TARS3: variants seen among roughly 807,000 people sequenced by gnomAD.
TARS3 encodes the protein threonine--tRNA ligase 2, cytoplasmic.
In TARS3, 94 loss-of-function variants were observed where a neutral mutation model predicts 103.5. The ratio of observed to expected loss-of-function variants is 0.91; its 90% CI spans 0.77 to 1.08. TARS3 has a LOEUF of 1.08. Among genes scored for constraint, TARS3 ranks in the 50% least tolerant of loss-of-function variants. TARS3 has a pLI of 0.00. For missense variants in TARS3, 952 were observed against 995.2 expected (o/e 0.96, Z 0.58); for synonymous variants, 416 against 355.4 (o/e 1.17, Z -1.92).
Position 101,677,501 on chromosome 15 carries a change from C to CTT in TARS3, c.1651-1766_1651-1765dup, listed in dbSNP as rs36095342. On this transcript the variant is annotated intron_variant, in intron 12 of 18. Transcript: ENST00000335968. ...ACCATCAGCTTTCCTAGTTCTCCAG[C>CTT]TTTTTTTTTTTTTTGAGACGGAGTT... is the stretch of plus-strand genomic sequence containing the variant. Among the ~76,000 whole-genome samples the CTT allele has an allele frequency of 2.0e-3, 292 of 143,246 alleles. 3 individuals are homozygous for CTT. Among genetic ancestry groups the CTT allele is most frequent in the African/African-American group, 3.0e-3 (117 of 38,846 alleles). 94.0% of individuals were successfully genotyped at this position (143,246 alleles called of 152,430 possible). A position where few individuals can be genotyped will look rare whatever the true frequency, so the allele number is the denominator to read the frequency against.
intron 3 of TARS3, among the ~76,000 whole-genome samples, chr15:101,719,735 G>A (rs932570794): frequency 3.3e-5 from 5 of 152,286 alleles, no homozygotes; most frequent in Admixed American, 6.5e-5. Context: ...AGCTTCCACC[G>A]CTAGACACAA....
chr15:101,654,859 G>A, intron 18 of TARS3, 129 bp from the exon 19 acceptor site: 2 of 876,886 alleles, frequency 2.3e-6, no homozygotes, highest in South Asian at 1.6e-5. Flanking sequence ...ATGAGCATTT[G>A]GTTCATCCTC....
At chr15:101,710,337 A>C (rs978864656) in intron 5 of TARS3, among the ~76,000 whole-genome samples, 2 of 152,132 alleles carry the variant, frequency 1.3e-5, no homozygotes, top group African/African-American at 4.8e-5. Context: ...TGCCTTCTTG[A>C]GTTCTGTGAG....
chr15:101,676,955 C>T (rs1314692295), intron 12 of TARS3, among the ~76,000 whole-genome samples: 1 of 152,116 alleles, frequency 6.6e-6, no homozygotes, highest in Non-Finnish European at 1.5e-5. Context: ...TGATGCTCTC[C>T]CTCCCTCCTC....
chr15:101,714,015 ATCATAACTTAGGTT>A (rs1354648685), intron 4 of TARS3, among the ~76,000 whole-genome samples: 2 of 152,204 alleles, frequency 1.3e-5, no homozygotes, highest in Non-Finnish European at 2.9e-5. Flanking sequence ...ACCTAAGCTA[ATCATAACTTAGGTT>A]TCATGAAGAT....
chr15:101,701,463 C>T (rs112651345), intron 9 of TARS3, among the ~76,000 whole-genome samples: 93 of 152,324 alleles, frequency 6.1e-4, no homozygotes, highest in African/African-American at 1.9e-3. Flanking sequence ...GGAGACAACA[C>T]GGTAGAAAGA....
chr15:101,676,078 C>T (rs1350466311), intron 12 of TARS3, among the ~76,000 whole-genome samples: 1 of 152,188 alleles, frequency 6.6e-6, no homozygotes, highest in African/African-American at 2.4e-5. Context: ...GCTCTGTGAG[C>T]AGAGGACACA....
intron 6 of TARS3, among the ~76,000 whole-genome samples, chr15:101,706,593 T>C: frequency 6.6e-6 from 1 of 152,306 alleles, no homozygotes; most frequent in African/African-American, 2.4e-5. Context: ...ATCAATAAAA[T>C]TCTGACAAGG....
intron 7 of TARS3, among the ~76,000 whole-genome samples, 155 bp downstream of exon 7, chr15:101,705,526 TTC>T (rs1447150115): frequency 6.6e-6 from 1 of 152,208 alleles, no homozygotes; most frequent in African/African-American, 2.4e-5. Flanking sequence ...AAATAATCAT[TTC>T]TCTTTAGTGA....
intron 15 of TARS3, among the ~76,000 whole-genome samples, chr15:101,668,394 A>T (rs1897664094): frequency 6.6e-6 from 1 of 152,176 alleles, no homozygotes; most frequent in Non-Finnish European, 1.5e-5. Flanking sequence ...ACAACAGACG[A>T]CATTTATCGG....
At chr15:101,721,545 A>G (rs771718291) in intron 2 of TARS3, among the ~76,000 whole-genome samples, 18 of 152,098 alleles carry the variant, frequency 1.2e-4, no homozygotes, top group Non-Finnish European at 2.4e-4. Context: ...CCCAGGCTGG[A>G]GTGCAGGGGC....
At chr15:101,666,259 G>A (rs1436462583) in intron 15 of TARS3, among the ~76,000 whole-genome samples, 1 of 151,868 alleles carries the variant, frequency 6.6e-6, no homozygotes, top group Non-Finnish European at 1.5e-5. Context: ...TGAGGTGGGC[G>A]GAGGTAAGGA....
At chr15:101,673,651 T>A (rs1897907778) in intron 13 of TARS3, among the ~76,000 whole-genome samples, 1 of 152,210 alleles carries the variant, frequency 6.6e-6, no homozygotes, top group Non-Finnish European at 1.5e-5. Context: ...CATTTCCTCT[T>A]CCTGCTTCCA....
intron 4 of TARS3, among the ~76,000 whole-genome samples, chr15:101,712,885 C>T (rs1899937765): frequency 6.6e-6 from 1 of 152,190 alleles, no homozygotes; most frequent in African/African-American, 2.4e-5. Context: ...TGTGCAATCC[C>T]AGCCCACAGC....
chr15:101,671,611 A>C (rs1396041480), intron 14 of TARS3, 25 bp from the exon 15 acceptor site: 1 of 1,609,444 alleles, frequency 6.2e-7, no homozygotes, highest in Non-Finnish European at 8.5e-7. Flanking sequence ...ATGTTTGCTC[A>C]GAAAAGAGTA....
At chr15:101,686,288 T>C (rs1489771811) in intron 10 of TARS3, among the ~76,000 whole-genome samples, 1 of 151,218 alleles carries the variant, frequency 6.6e-6, no homozygotes, top group Non-Finnish European at 1.5e-5. Flanking sequence ...CATATAACAG[T>C]ATATAGTATA....
chr15:101,684,295 T>C, intron 11 of TARS3, 58 bp from the exon 12 acceptor site: 2 of 1,433,976 alleles, frequency 1.4e-6, no homozygotes, highest in Non-Finnish European at 1.9e-6. Context: ...TAAATAATTA[T>C]CTAAATATAA....
rs771363441 is a variant in TARS3 at position 101,723,042 on chromosome 15, T to C, written c.369+51A>G. ...TCCTAGGTAATTAACTATATACACA[T>C]ATTTAAAATTACAGGTAGTATTTTA... On this transcript the variant is annotated intron_variant, in intron 2 of 18. Transcript: ENST00000335968. The C allele has an allele frequency of 7.6e-6, 11 of 1,442,578 alleles. No individual in the cohort carries two copies. The Admixed American group carries it at 1.8e-4, about 24-fold the overall frequency. 89.4% of individuals were successfully genotyped at this position (1,442,578 alleles called of 1,614,324 possible).
Position 101,703,657 on chromosome 15 carries a change from A to G in TARS3, c.1074+202T>C. 1.3e-5 allele frequency among the ~76,000 whole-genome samples: 2 copies of G among 152,186 alleles called. 1 individual carries two copies. Among genetic ancestry groups the G allele is most frequent in the Non-Finnish European group, 2.9e-5 (2 of 68,036 alleles). On this transcript the variant is annotated intron_variant, in intron 8 of 18. Transcript: ENST00000335968. ...TGTTATAACACTTACAATAAGGTAAAATGATAAACAAAAGCCACCTATAGT... is the reference window on the plus strand; with the variant it reads ...TGTTATAACACTTACAATAAGGTAAGATGATAAACAAAAGCCACCTATAGT...
Sources: gnomAD v4.1 joint callset for allele counts (sites outside exome capture counted in the v4.1 genomes callset) on GRCh38, gnomAD v4.1.1 for gene constraint, MANE v1.5 for transcripts, NCBI Gene and HGNC (gene_info 2026-07-23, HGNC 2026-07-21) for gene names.